The following COL24A1 variants were observed in gnomAD, a reference collection of about 807,000 sequenced individuals.
COL24A1 encodes collagen type XXIV alpha 1 chain, also known as collagen alpha-1(XXIV) chain.
COL24A1 carries 224 observed loss-of-function variants against 253.9 expected under a neutral mutation model. That is an observed-to-expected ratio of 0.88 (90% CI 0.79 to 0.99). The LOEUF (loss-of-function observed/expected upper bound fraction) is 0.99. Ranked by LOEUF, COL24A1 falls within the 50% of genes least tolerant of loss-of-function variation. The pLI, the probability that COL24A1 is intolerant of heterozygous loss-of-function variation, is 0.00. For missense variants in COL24A1, 2,131 were observed against 2,068.5 expected (o/e 1.03, Z -0.59); for synonymous variants, 685 against 673.7 (o/e 1.02, Z -0.26).
chr1:85,925,770 C>T (rs1465660373), intron 24 of COL24A1, among the ~76,000 whole-genome samples: 3 of 152,122 alleles, frequency 2.0e-5, no homozygotes, highest in Non-Finnish European at 2.9e-5. Flanking sequence ...TGGGCAAGGA[C>T]TTCATGACTA....
chr1:86,067,706 T>C (rs1323388954), intron 7 of COL24A1, among the ~76,000 whole-genome samples: 1 of 152,212 alleles, frequency 6.6e-6, no homozygotes, highest in Non-Finnish European at 1.5e-5. Flanking sequence ...AAGACTTTCA[T>C]TTATTCCCAT....
chr1:85,980,951 A>G (rs1479348285), intron 20 of COL24A1, among the ~76,000 whole-genome samples: 1 of 152,196 alleles, frequency 6.6e-6, no homozygotes, highest in Non-Finnish European at 1.5e-5. Flanking sequence ...CAAGAAGGTA[A>G]AAGACCTCTA....
At chr1:85,884,300 C>T (rs188619421) in intron 32 of COL24A1, among the ~76,000 whole-genome samples, 1 of 152,032 alleles carries the variant, frequency 6.6e-6, no homozygotes, top group African/African-American at 2.4e-5. Context: ...GGTGAATAGG[C>T]CTTTAATGTG....
intron 30 of COL24A1, 36 bp from the exon 31 acceptor site, chr1:85,895,938 C>T: frequency 2.5e-6 from 4 of 1,602,278 alleles, no homozygotes; most frequent in Non-Finnish European, 3.4e-6. Context: ...TCAAGTAGTC[C>T]CCTCCAAAAA....
At chr1:86,115,294 T>C in intron 4 of COL24A1, 31 bp downstream of exon 4, 5 of 1,608,178 alleles carry the variant, frequency 3.1e-6, no homozygotes, top group Non-Finnish European at 4.3e-6. Flanking sequence ...AAATTCTCAC[T>C]GCCAGCAGGA....
intron 12 of COL24A1, among the ~76,000 whole-genome samples, chr1:86,041,492 G>C (rs1699477811): frequency 6.6e-6 from 1 of 152,076 alleles, no homozygotes; most frequent in African/African-American, 2.4e-5. Flanking sequence ...ATCAAGCTGA[G>C]AGCTCTGTAA....
intron 7 of COL24A1, among the ~76,000 whole-genome samples, chr1:86,067,103 C>A (rs913490288): frequency 6.6e-6 from 1 of 151,434 alleles, no homozygotes; most frequent in Non-Finnish European, 1.5e-5. Flanking sequence ...TGCGCCACTG[C>A]ACTCTAGCCT....
At chr1:86,005,845 T>C (rs1254202143) in intron 19 of COL24A1, among the ~76,000 whole-genome samples, 1 of 152,142 alleles carries the variant, frequency 6.6e-6, no homozygotes, top group Non-Finnish European at 1.5e-5. Context: ...CCTCCTGGAA[T>C]GAATAAGCAG....
At position 85,839,135 on chromosome 1, in the gene COL24A1, G is replaced by A. The variant is rs1221963997; in HGVS notation, c.3628-497C>T. Among the ~76,000 whole-genome samples, 7 of 152,128 alleles carry A rather than the reference G, an allele frequency of 4.6e-5. No homozygotes were observed. The East Asian group carries it at 1.2e-3, about 25-fold the overall frequency. Reference sequence around the variant, plus strand: ...GAACACTTGAGCCCAGGAGGTCGAGGTTGCAGTGAGTCATGTTTGCACCAC... The same window carrying A: ...GAACACTTGAGCCCAGGAGGTCGAGATTGCAGTGAGTCATGTTTGCACCAC... On this transcript the variant is annotated intron_variant, in intron 42 of 59. Transcript: ENST00000370571.
intron 32 of COL24A1, among the ~76,000 whole-genome samples, chr1:85,878,028 T>A (rs1005164585): frequency 6.6e-5 from 10 of 152,256 alleles, no homozygotes; most frequent in Non-Finnish European, 1.3e-4. Context: ...CATTTAAAGT[T>A]CCTTTATACA....
intron 1 of COL24A1, among the ~76,000 whole-genome samples, chr1:86,148,351 AT>A (rs554658469): frequency 3.5e-4 from 53 of 149,614 alleles, no homozygotes; most frequent in Middle Eastern, 3.4e-3. Flanking sequence ...CACCCGGCTA[AT>A]TTTTTTTTTA....
rs181089817 is a variant in COL24A1, at chr1:85,866,187, C to T, written c.3300+2332G>A. Among the ~76,000 whole-genome samples, 572 of 152,082 alleles carry T rather than the reference C, an allele frequency of 3.8e-3. 7 individuals carry two copies. Among genetic ancestry groups the T allele is most frequent in the African/African-American group, 0.013 (544 of 41,506 alleles). ...CTGAGGCAGGAGAATCACTTGAACC[C>T]GGGAGGCAGAGGTTGCAGTGAGCCA... On this transcript the variant is annotated intron_variant, in intron 37 of 59. Coordinates refer to ENST00000370571, the MANE Select transcript of COL24A1 (RefSeq NM_152890.7).
intron 47 of COL24A1, among the ~76,000 whole-genome samples, chr1:85,805,993 A>G (rs890217936): frequency 6.6e-6 from 1 of 151,144 alleles, no homozygotes; most frequent in Non-Finnish European, 1.5e-5. Context: ...GGAGAATGGC[A>G]TGAACCAAGG....
chr1:85,817,700 A>C (rs1673183150), intron 46 of COL24A1, among the ~76,000 whole-genome samples: 1 of 152,170 alleles, frequency 6.6e-6, no homozygotes, highest in Admixed American at 6.5e-5. Flanking sequence ...TTATGCTTGA[A>C]TATCTCTGGC....
At chr1:85,945,000 G>GTATTTT in intron 24 of COL24A1, among the ~76,000 whole-genome samples, 1 of 36,124 alleles carries the variant, frequency 2.8e-5, no homozygotes, top group Non-Finnish European at 5.1e-5. Context: ...GTCTATCATT[G>GTATTTT]TGTTTTTTTT....
At position 85,896,425 on chromosome 1, in the gene COL24A1, AT is replaced by A. The variant is rs770224620; in HGVS notation, c.2779-17del. ...CTCTTGATCCCTAGAGGTGAAAAAA[AT>A]ATCCTGTTGTTAATTTGAAATGTTC... On this transcript the variant is annotated splice_polypyrimidine_tract_variant and intron_variant, in intron 28 of 59. Transcript: ENST00000370571. 1.2e-6 allele frequency: 2 copies of A among 1,604,482 alleles called. No individual in the cohort carries two copies. The highest frequency in any genetic ancestry group is 8.5e-7 in the Non-Finnish European group (1 of 1,171,600).
intron 8 of COL24A1, among the ~76,000 whole-genome samples, chr1:86,062,043 G>A (rs577231789): frequency 2.2e-4 from 33 of 152,110 alleles, no homozygotes; most frequent in African/African-American, 5.5e-4. Context: ...AGAACAATGC[G>A]TAGAAATATA....
At chr1:85,896,263 T>A (rs968918115) in intron 29 of COL24A1, 93 bp downstream of exon 29, 1 of 1,325,158 alleles carries the variant, frequency 7.5e-7, no homozygotes, top group Non-Finnish European at 1.1e-6. Context: ...AGAACCATAC[T>A]TTTGTAGGGA....
intron 7 of COL24A1, among the ~76,000 whole-genome samples, chr1:86,064,473 A>G (rs752882195): frequency 6.6e-6 from 1 of 152,208 alleles, no homozygotes; most frequent in Non-Finnish European, 1.5e-5. Flanking sequence ...AGAATGAAAT[A>G]AAGAAAAATT....
Sources: allele counts gnomAD v4.1 joint callset (sites outside exome capture counted in the v4.1 genomes callset), GRCh38; gene constraint gnomAD v4.1.1; transcripts MANE v1.5; gene names NCBI Gene and HGNC (gene_info 2026-07-23, HGNC 2026-07-21).